The following KAZN variants were observed in gnomAD, a reference collection of about 807,000 sequenced individuals.
KAZN encodes the protein kazrin.
A neutral mutation model predicts 87.4 loss-of-function variants in KAZN; 40 were observed. The ratio of observed to expected loss-of-function variants is 0.46; its 90% CI spans 0.36 to 0.60. KAZN has a LOEUF of 0.60. Ranked by LOEUF, KAZN falls within the 20% of genes least tolerant of loss-of-function variation. The pLI is 0.00. For missense variants in KAZN, 898 were observed against 1,073.9 expected, an observed-to-expected ratio of 0.84 and a Z score of 2.29; for synonymous variants, 466 against 458.3, an observed-to-expected ratio of 1.02 and a Z score of -0.22.
At chr1:14,547,188 AT>A (rs1553186844) in intron 2 of KAZN, among the ~76,000 whole-genome samples, 11 of 151,704 alleles carry the variant, frequency 7.3e-5, no homozygotes, top group Non-Finnish European at 1.2e-4. Context: ...ATAGAATGAC[AT>A]TTTTTTTTCC....
At chr1:14,999,743 G>A (rs114325348) in intron 2 of KAZN, among the ~76,000 whole-genome samples, 1,545 of 152,364 alleles carry the variant, frequency 0.01, 30 homozygotes, top group African/African-American at 0.036. Flanking sequence ...GAATGCGCCT[G>A]TGGATGTAAC....
chr1:15,112,397 C>T, intron 13 of KAZN, 30 bp from the exon 14 acceptor site: 1 of 1,350,502 alleles, frequency 7.4e-7, no homozygotes, highest in Non-Finnish European at 1.0e-6. Context: ...CTGAGCCTCC[C>T]CTGCTGACTC....
At chr1:14,211,001 T>C (rs1646842094) in intron 2 of KAZN, among the ~76,000 whole-genome samples, 1 of 152,074 alleles carries the variant, frequency 6.6e-6, no homozygotes, top group Non-Finnish European at 1.5e-5. Context: ...TAGATTATTA[T>C]AATTATTATA....
chr1:13,946,774 C>A (rs79088105), intron 1 of KAZN, among the ~76,000 whole-genome samples: 2 of 152,142 alleles, frequency 1.3e-5, no homozygotes, highest in African/African-American at 4.8e-5. Flanking sequence ...CGTAACCCTA[C>A]TTCCTAGCAC....
intron 2 of KAZN, among the ~76,000 whole-genome samples, chr1:14,264,232 A>C (rs1486038044): frequency 6.6e-6 from 1 of 152,124 alleles, no homozygotes; most frequent in Non-Finnish European, 1.5e-5. Flanking sequence ...TTGTTGGTCA[A>C]ATTCAGTTCC....
intron 1 of KAZN, among the ~76,000 whole-genome samples, chr1:13,948,863 C>T (rs546185637): frequency 1.3e-5 from 2 of 152,162 alleles, no homozygotes; most frequent in African/African-American, 4.8e-5. Context: ...AGGCCCCTTC[C>T]CATGTTACAG....
intron 1 of KAZN, among the ~76,000 whole-genome samples, chr1:14,884,524 A>G (rs1402927833): frequency 6.6e-6 from 1 of 152,252 alleles, no homozygotes; most frequent in Non-Finnish European, 1.5e-5. Context: ...TGGTGTGAAT[A>G]TATGTACTCT....
intron 2 of KAZN, among the ~76,000 whole-genome samples, chr1:14,233,872 T>C (rs1433650044): frequency 6.6e-6 from 1 of 152,114 alleles, no homozygotes; most frequent in Non-Finnish European, 1.5e-5. Context: ...CCAGTTAGAA[T>C]GGTGATTATT....
At position 14,969,374 on chromosome 1, in the gene KAZN, C is replaced by G. The variant is rs140034761; in HGVS notation, c.418+8499C>G. ...TCACCTGGGGTTGAATGTGTATGTT[C>G]CTCTTTAGTAAATTCATACGCTTGA... On this transcript the variant is annotated intron_variant, in intron 2 of 14. Coordinates refer to ENST00000376030, the MANE Select transcript of KAZN (RefSeq NM_201628.3). Among the ~76,000 whole-genome samples, 684 of 152,338 alleles carry G rather than the reference C, an allele frequency of 4.5e-3. 10 individuals carry two copies. Among genetic ancestry groups the G allele is most frequent in the African/African-American group, 0.016 (645 of 41,588 alleles).
intron 1 of KAZN, among the ~76,000 whole-genome samples, chr1:14,777,355 G>A (rs957605493): frequency 1.3e-5 from 2 of 152,094 alleles, no homozygotes; most frequent in Admixed American, 6.6e-5. Context: ...TCTGAGAGAC[G>A]CCTCATGATA....
chr1:14,119,527 G>T (rs1169804360), intron 1 of KAZN, among the ~76,000 whole-genome samples: 1 of 152,092 alleles, frequency 6.6e-6, no homozygotes, highest in Non-Finnish European at 1.5e-5. Context: ...CCTCAGGGAT[G>T]AATCTTTTCC....
intron 2 of KAZN, among the ~76,000 whole-genome samples, chr1:14,343,088 G>C (rs917946155): frequency 6.6e-6 from 1 of 152,130 alleles, no homozygotes; most frequent in African/African-American, 2.4e-5. Context: ...TTGCAGTGCA[G>C]TGAGCCGAGA....
intron 1 of KAZN, among the ~76,000 whole-genome samples, chr1:14,783,761 G>A (rs971872650): frequency 3.3e-5 from 5 of 152,128 alleles, no homozygotes; most frequent in South Asian, 2.1e-4. Context: ...AGGCAGGCAC[G>A]GCAGAGGGGC....
Position 15,056,024 on chromosome 1 carries a change from G to A in KAZN, c.727-67G>A. The A allele has an allele frequency of 1.3e-6, 2 of 1,498,154 alleles. No individual in the cohort carries two copies. Among genetic ancestry groups the A allele is most frequent in the South Asian group, 1.2e-5 (1 of 80,690 alleles). The allele number at this position is 1,498,154 out of a possible 1,614,324, so 92.8% of individuals were successfully genotyped here. Reference sequence around the variant, plus strand: ...CTTTCTCCCCATGGCGGTGGGTGGTGCCAAGCAGCTGGCCAAGAGTTCCCC... The same window carrying A: ...CTTTCTCCCCATGGCGGTGGGTGGTACCAAGCAGCTGGCCAAGAGTTCCCC... On this transcript the variant is annotated intron_variant, in intron 4 of 14. Transcript: ENST00000376030. The surrounding 1 kb of genome is among the most constrained non-coding windows in gnomAD (Gnocchi z 5.4).
intron 1 of KAZN, among the ~76,000 whole-genome samples, chr1:14,845,219 G>T (rs1648580549): frequency 6.9e-6 from 1 of 145,522 alleles, no homozygotes; most frequent in Non-Finnish European, 1.5e-5. Context: ...GGATGGGTGG[G>T]TGGATGGATG....
Position 14,207,127 on chromosome 1 carries a change from C to A in KAZN, c.249+26535C>A, listed in dbSNP as rs149834615. ...TACAGGCACGTGGCATCATACCCAG[C>A]TAATTTTTGTATTTTTGGTAGAGAT... is the stretch of plus-strand genomic sequence containing the variant. On this transcript the variant is annotated intron_variant, in intron 2 of 16. Transcript: ENST00000636203. Among the ~76,000 whole-genome samples the A allele has an allele frequency of 3.0e-3, 452 of 152,120 alleles. 1 individual carries two copies. The highest frequency in any genetic ancestry group is 0.01 in the African/African-American group (422 of 41,490).
intron 1 of KAZN, among the ~76,000 whole-genome samples, chr1:14,700,003 A>C (rs1641833858): frequency 1.3e-5 from 2 of 152,120 alleles, no homozygotes; most frequent in African/African-American, 4.8e-5. Context: ...AGGCAGGAAT[A>C]AGTATGGTGC....
chr1:14,260,869 A>G (rs1650959099), intron 2 of KAZN, among the ~76,000 whole-genome samples: 1 of 152,202 alleles, frequency 6.6e-6, no homozygotes, highest in African/African-American at 2.4e-5. Flanking sequence ...CACAGCTGGT[A>G]AAGTGAGGAG....
intron 2 of KAZN, among the ~76,000 whole-genome samples, chr1:14,580,938 T>A (rs975092263): frequency 2.0e-5 from 3 of 152,172 alleles, no homozygotes; most frequent in African/African-American, 7.2e-5. Flanking sequence ...ACACCACTTC[T>A]CTCACTGCTC....
Sources: allele counts gnomAD v4.1 joint callset (sites outside exome capture counted in the v4.1 genomes callset), GRCh38; gene constraint gnomAD v4.1.1; non-coding constraint Gnocchi (gnomAD v3.1); transcripts MANE v1.5; gene names NCBI Gene and HGNC (gene_info 2026-07-23, HGNC 2026-07-21).